IQCM: variants seen among roughly 807,000 people sequenced by gnomAD.
IQCM encodes IQ domain-containing protein M.
In IQCM, 45 loss-of-function variants were observed where a neutral mutation model predicts 57.6. The observed-to-expected ratio is 0.78, with a 90% CI of 0.62 to 1.00. The LOEUF is 1.00. Among genes scored for constraint, IQCM ranks in the 50% least tolerant of loss-of-function variants. The probability of loss-of-function intolerance (pLI) is 0.00; values close to 1 mark genes in which losing one functional copy is unlikely to be tolerated. For synonymous variants in IQCM, 148 were observed against 158.9 expected (o/e 0.93, Z 0.51); for missense variants, 468 against 511.6 (o/e 0.91, Z 0.82).
intron 13 of IQCM, among the ~76,000 whole-genome samples, chr4:149,394,722 G>A (rs534981104): frequency 3.9e-5 from 6 of 151,948 alleles, no homozygotes; most frequent in East Asian, 1.9e-4. Flanking sequence ...GAAAACTGGC[G>A]TGAAGGGCAA....
intron 12 of IQCM, among the ~76,000 whole-genome samples, chr4:149,491,186 T>A (rs1343914074): frequency 6.6e-6 from 1 of 152,026 alleles, no homozygotes; most frequent in African/African-American, 2.4e-5. Context: ...GACAAAAAAA[T>A]TGTACATATT....
chr4:149,550,415 A>C (rs1748911009), intron 11 of IQCM, among the ~76,000 whole-genome samples: 1 of 152,216 alleles, frequency 6.6e-6, no homozygotes, highest in Non-Finnish European at 1.5e-5. Context: ...AAACAAAAAG[A>C]ATATCACCTT....
intron 12 of IQCM, among the ~76,000 whole-genome samples, chr4:149,470,389 A>G (rs1346443434): frequency 6.6e-6 from 1 of 152,214 alleles, no homozygotes; most frequent in Non-Finnish European, 1.5e-5. Context: ...CCATGACATA[A>G]TGGTAAATGG....
chr4:149,699,237 C>T (rs937655661), intron 5 of IQCM, among the ~76,000 whole-genome samples: 3 of 151,938 alleles, frequency 2.0e-5, no homozygotes, highest in Admixed American at 6.6e-5. Flanking sequence ...ACAATTTTCT[C>T]CCATGTCAGT....
intron 5 of IQCM, among the ~76,000 whole-genome samples, chr4:149,712,885 C>G (rs1764679507): frequency 6.6e-6 from 1 of 152,016 alleles, no homozygotes; most frequent in Non-Finnish European, 1.5e-5. Flanking sequence ...ATAACTTGCC[C>G]TCATATGTTC....
intron 11 of IQCM, among the ~76,000 whole-genome samples, chr4:149,552,937 G>T (rs559450906): frequency 1.3e-5 from 2 of 152,102 alleles, no homozygotes; most frequent in East Asian, 3.9e-4. Flanking sequence ...TTTTTGCTTT[G>T]GATAGCTAAA....
intron 12 of IQCM, among the ~76,000 whole-genome samples, chr4:149,515,516 A>G (rs1191032751): frequency 1.3e-5 from 2 of 152,140 alleles, no homozygotes; most frequent in African/African-American, 4.8e-5. Flanking sequence ...GGAGTTCTCT[A>G]TGATCAGCTG....
chr4:149,481,701 G>GT lies in IQCM; in HGVS notation c.1229-48145dup, dbSNP rs57465501. ...CATGTAATGTGATTCTTCCAGTTTT[G>GT]TTTTTTTTTTTTTTTTTTTTTGCTT... On this transcript the variant is annotated intron_variant, in intron 12 of 13. Coordinates refer to ENST00000636793, the MANE Select transcript of IQCM (RefSeq NM_001363507.2). Among the ~76,000 whole-genome samples, 79 of 51,576 alleles carry GT rather than the reference G, an allele frequency of 1.5e-3. 3 individuals are homozygous for GT. The highest frequency in any genetic ancestry group is 5.8e-3 in the African/African-American group (77 of 13,226). 33.8% of individuals were successfully genotyped at this position (51,576 alleles called of 152,430 possible). A position where few individuals can be genotyped will look rare whatever the true frequency, so the allele number is the denominator to read the frequency against.
chr4:149,391,522 TTTC>T lies in IQCM; in HGVS notation c.1391-39459_1391-39457del, dbSNP rs147389623. On this transcript the variant is annotated intron_variant, in intron 13 of 13. Coordinates refer to ENST00000636793, the MANE Select transcript of IQCM (RefSeq NM_001363507.2). ...TTCTTCTCTGACATTCATTATTTCC[TTTC>T]TTCTTCTTGCTTTGAGTATAGTTTG... is the stretch of plus-strand genomic sequence containing the variant. Among the ~76,000 whole-genome samples, 62 of 152,014 alleles carry T rather than the reference TTTC, an allele frequency of 4.1e-4. No individual in the cohort carries two copies. The East Asian group carries it at 0.011, about 27-fold the overall frequency.
At position 149,487,591 on chromosome 4, in the gene IQCM, A is replaced by G. The variant is rs537278749; in HGVS notation, c.1229-54034T>C. 4.6e-5 allele frequency among the ~76,000 whole-genome samples: 7 copies of G among 152,250 alleles called. No individual in the cohort carries two copies. The South Asian group carries it at 1.5e-3, about 32-fold the overall frequency. ...CAGCTCATGGTGGCGAGTCTTGCCA[A>G]GAAACTCAAGTACTGACCACTGGGA... On this transcript the variant is annotated intron_variant, in intron 12 of 13. Coordinates refer to ENST00000636793, the MANE Select transcript of IQCM (RefSeq NM_001363507.2).
intron 12 of IQCM, among the ~76,000 whole-genome samples, chr4:149,521,607 T>A (rs1203581338): frequency 1.3e-5 from 2 of 152,228 alleles, no homozygotes; most frequent in Non-Finnish European, 2.9e-5. Context: ...CTTTAGACAA[T>A]AATTTGACCA....
At chr4:149,522,535 AT>A (rs1276263347) in intron 12 of IQCM, among the ~76,000 whole-genome samples, 2 of 152,226 alleles carry the variant, frequency 1.3e-5, no homozygotes, top group Non-Finnish European at 2.9e-5. Flanking sequence ...CAGTGAATAC[AT>A]TGTAAAAAGA....
intron 8 of IQCM, among the ~76,000 whole-genome samples, chr4:149,593,461 C>G (rs1753421955): frequency 6.6e-6 from 1 of 152,038 alleles, no homozygotes; most frequent in Non-Finnish European, 1.5e-5. Flanking sequence ...TTTATCCTGC[C>G]TGATTGCCCT....
At chr4:149,402,694 A>G (rs927144597) in intron 13 of IQCM, among the ~76,000 whole-genome samples, 2 of 151,904 alleles carry the variant, frequency 1.3e-5, no homozygotes, top group African/African-American at 4.8e-5. Context: ...TTTACTAAAC[A>G]AATGGAACGC....
intron 7 of IQCM, among the ~76,000 whole-genome samples, chr4:149,644,593 G>T (rs2150121671): frequency 6.6e-6 from 1 of 152,160 alleles, no homozygotes; most frequent in East Asian, 1.9e-4. Flanking sequence ...GGTGACATTT[G>T]AATTGTTACC....
At position 149,735,336 on chromosome 4, in the gene IQCM, A is replaced by C. The variant is rs1580159445; in HGVS notation, c.120+40T>G. On this transcript the variant is annotated intron_variant, in intron 4 of 13. Transcript: ENST00000636793. ...TGGGAGAATCCTTGTAGTATGCAAAAATTTTAAAATGTAACATTAGATAAA... is the reference window on the plus strand; with the variant it reads ...TGGGAGAATCCTTGTAGTATGCAAACATTTTAAAATGTAACATTAGATAAA... 2.8e-6 allele frequency: 3 copies of C among 1,088,564 alleles called. No homozygotes were observed. In the East Asian group the frequency reaches 9.7e-5, roughly 35 times the overall value. The allele number at this position is 1,088,564 out of a possible 1,614,324, so 67.4% of individuals were successfully genotyped here. A position where few individuals can be genotyped will look rare whatever the true frequency, so the allele number is the denominator to read the frequency against.
chr4:149,416,231 C>A lies in IQCM; in HGVS notation c.1390+17165G>T, dbSNP rs548300245. Among the ~76,000 whole-genome samples the A allele has an allele frequency of 3.9e-5, 6 of 151,974 alleles. No homozygotes were observed. In the South Asian group the frequency reaches 1.2e-3, roughly 32 times the overall value. ...CTTTCTCTCTCTGTCTGTCTCCCTC[C>A]CTCCCCCATGGAGCCTTAAAAATAA... is the stretch of plus-strand genomic sequence containing the variant. On this transcript the variant is annotated intron_variant, in intron 13 of 13. Transcript: ENST00000636793.
At chr4:149,460,782 C>A (rs1182989916) in intron 12 of IQCM, among the ~76,000 whole-genome samples, 4 of 152,078 alleles carry the variant, frequency 2.6e-5, no homozygotes, top group South Asian at 2.1e-4. Flanking sequence ...CCATGTAGAA[C>A]AAAAGGTACT....
chr4:149,388,569 C>T (rs1312821580), intron 13 of IQCM, among the ~76,000 whole-genome samples: 11 of 126,542 alleles, frequency 8.7e-5, no homozygotes, highest in Admixed American at 7.0e-4. Context: ...TATTTATATA[C>T]ATAAATATAT....
Sources: gnomAD v4.1 joint callset for allele counts (sites outside exome capture counted in the v4.1 genomes callset) on GRCh38, gnomAD v4.1.1 for gene constraint, MANE v1.5 for transcripts, NCBI Gene and HGNC (gene_info 2026-07-23, HGNC 2026-07-21) for gene names.